The following FUT8 variants were observed in gnomAD, a reference collection of about 807,000 sequenced individuals.
FUT8 encodes the protein fucosyltransferase 8.
Under a neutral mutation model 71.3 loss-of-function variants are expected in FUT8, and 29 were observed. The ratio of observed to expected loss-of-function variants is 0.41; its 90% CI spans 0.30 to 0.55. The LOEUF is 0.55. FUT8 is among the 20% of genes least tolerant of loss of function. The probability of loss-of-function intolerance (pLI) is 0.34; values close to 1 mark genes in which losing one functional copy is unlikely to be tolerated. For synonymous variants in FUT8, 254 were observed against 239.3 expected, an observed-to-expected ratio of 1.06 and a Z score of -0.57; for missense variants, 544 against 702.1, an observed-to-expected ratio of 0.77 and a Z score of 2.55.
rs1176053199 is a variant in FUT8, at chr14:65,634,785, T to TAA, written c.597+5179_597+5180insAA. ...AGTGTGATGCCTCCAGATTTATTCT[T>TAA]TTTGCTTAGTCTTGCTTTGACTATG... On this transcript the variant is annotated intron_variant, in intron 6 of 10. Coordinates refer to ENST00000673929, the MANE Select transcript of FUT8 (RefSeq NM_001371533.1). Among the ~76,000 whole-genome samples, 19 of 152,214 alleles carry TAA rather than the reference T, an allele frequency of 1.2e-4. No individual in the cohort carries two copies. The South Asian group carries it at 3.9e-3, about 32-fold the overall frequency.
At chr14:65,613,839 G>A (rs771573334) in intron 3 of FUT8, among the ~76,000 whole-genome samples, 2 of 152,068 alleles carry the variant, frequency 1.3e-5, no homozygotes, top group African/African-American at 4.8e-5. Context: ...TTGGCTGGGC[G>A]CCGTGGCTCA....
At chr14:65,471,000 T>A in intron 2 of FUT8, 1 of 428,218 alleles carries the variant, frequency 2.3e-6, no homozygotes, top group Non-Finnish European at 4.6e-6. Flanking sequence ...TCTGCCCTGT[T>A]GTCTTTGGGT....
At chr14:65,408,208 C>T (rs1035782664), upstream of FUT8, among the ~76,000 whole-genome samples, 5 of 151,912 alleles carry the variant, frequency 3.3e-5, no homozygotes, top group Admixed American at 1.3e-4. Context: ...GAAGTTAAGC[C>T]GAGAGAGGCT....
intron 2 of FUT8, among the ~76,000 whole-genome samples, chr14:65,552,518 A>G (rs569161114): frequency 1.2e-4 from 19 of 152,342 alleles, no homozygotes; most frequent in African/African-American, 3.8e-4. Flanking sequence ...TAAAATTTAC[A>G]TAACATGAAT....
At chr14:65,532,929 A>C (rs1340064383) in intron 2 of FUT8, among the ~76,000 whole-genome samples, 1 of 152,152 alleles carries the variant, frequency 6.6e-6, no homozygotes, top group Non-Finnish European at 1.5e-5. Flanking sequence ...GGCTTTGTTG[A>C]AGATCAGATG....
At chr14:65,486,145 A>G (rs937238084) in intron 2 of FUT8, among the ~76,000 whole-genome samples, 3 of 152,174 alleles carry the variant, frequency 2.0e-5, no homozygotes, top group African/African-American at 7.2e-5. Flanking sequence ...ATGTTTTAGC[A>G]CTAGCTAATG....
intron 2 of FUT8, among the ~76,000 whole-genome samples, chr14:65,514,651 G>A (rs1245162524): frequency 2.6e-5 from 4 of 151,526 alleles, no homozygotes; most frequent in African/African-American, 9.7e-5. Context: ...TGTCTTCACC[G>A]CTGAGTAGGT....
At position 65,528,592 on chromosome 14, in the gene FUT8, C is replaced by G. The variant is rs559038329; in HGVS notation, c.-227-32745C>G. ...GTCTGACAATCCCCAGTGAGATGAA[C>G]CTGGTACCTCAGTTGGAAATGCAGA... On this transcript the variant is annotated intron_variant, in intron 2 of 10. Coordinates refer to ENST00000673929, the MANE Select transcript of FUT8 (RefSeq NM_001371533.1). Among the ~76,000 whole-genome samples, 531 of 152,276 alleles carry G rather than the reference C, an allele frequency of 3.5e-3. 2 individuals carry two copies. Among genetic ancestry groups the G allele is most frequent in the African/African-American group, 0.012 (504 of 41,550 alleles).
chr14:65,450,631 T>C (rs138993927), intron 1 of FUT8, among the ~76,000 whole-genome samples: 61 of 152,318 alleles, frequency 4.0e-4, no homozygotes, highest in African/African-American at 1.4e-3. Flanking sequence ...CTCAGAGAAA[T>C]CTTTCAGTTT....
chr14:65,611,195 ACACGCGCGCG>A (rs1435014847), intron 3 of FUT8, among the ~76,000 whole-genome samples: 474 of 14,304 alleles, frequency 0.033, 71 homozygotes, highest in African/African-American at 0.045. Context: ...ACACACACAC[ACACGCGCGCG>A]CGCGCGCGCG....
At chr14:65,576,696 CTT>C (rs376473739) in intron 3 of FUT8, among the ~76,000 whole-genome samples, 1 of 96,216 alleles carries the variant, frequency 1.0e-5, no homozygotes, top group African/African-American at 6.3e-5. Flanking sequence ...GCCCAGCTTG[CTT>C]TTTTTTTTTT....
At chr14:65,713,351 G>T (rs139146791) in intron 7 of FUT8, among the ~76,000 whole-genome samples, 1,837 of 152,300 alleles carry the variant, frequency 0.012, 14 homozygotes, top group Middle Eastern at 0.024. Flanking sequence ...GAACAGTGCT[G>T]CAGTAAACAT....
rs139587074 is a variant in FUT8 at position 65,629,533 on chromosome 14, G to C, written c.524G>C (p.Gly175Ala). Residue 175 changes from glycine (G) to alanine (A), a missense_variant, in exon 6 of 11, where the codon GGA (glycine) becomes GCA (alanine). By Grantham distance (60) the Gly-to-Ala change is moderately conservative. Transcript: ENST00000673929. Reference sequence around the variant, plus strand: ...CTATACTACCTCAGTCAGACAGATGGAGCAGGTGATTGGCGGGAAAAAGAG... The same window carrying C: ...CTATACTACCTCAGTCAGACAGATGCAGCAGGTGATTGGCGGGAAAAAGAG... ...TDLYYLSQTD[G>A]AGDWREKEAK... 22 of 1,613,718 alleles carry C rather than the reference G, an allele frequency of 1.4e-5. No individual in the cohort carries two copies. Among genetic ancestry groups the C allele is most frequent in the Non-Finnish European group, 1.9e-5 (22 of 1,179,794 alleles).
chr14:65,618,547 G>T (rs1369409912), intron 5 of FUT8, among the ~76,000 whole-genome samples: 2 of 152,156 alleles, frequency 1.3e-5, no homozygotes, highest in Non-Finnish European at 2.9e-5. Flanking sequence ...AGATTAGAAT[G>T]CAGTAATACA....
chr14:65,692,353 G>T, intron 7 of FUT8, among the ~76,000 whole-genome samples: 1 of 149,518 alleles, frequency 6.7e-6, no homozygotes, highest in African/African-American at 2.5e-5. Context: ...TGGCCGGGCG[G>T]GGGGCTGACC....
chr14:65,535,923 T>A (rs777422764), intron 2 of FUT8, among the ~76,000 whole-genome samples: 6 of 152,202 alleles, frequency 3.9e-5, no homozygotes, highest in Admixed American at 1.3e-4. Context: ...TAAGTCTCTT[T>A]GAAGGTTCCT....
intron 6 of FUT8, among the ~76,000 whole-genome samples, chr14:65,631,059 C>A (rs555335489): frequency 1.1e-4 from 17 of 152,286 alleles, no homozygotes; most frequent in Admixed American, 2.0e-4. Context: ...CTGATCTTGG[C>A]ATGCTATCTT....
the FUT8 span, among the ~76,000 whole-genome samples, chr14:65,367,818 C>T: frequency 6.6e-6 from 1 of 152,096 alleles, no homozygotes; most frequent in East Asian, 1.9e-4. Context: ...ATACCCAGGC[C>T]ATGTGTTTAT....
intron 2 of FUT8, among the ~76,000 whole-genome samples, chr14:65,553,070 C>T (rs1221655697): frequency 1.3e-5 from 2 of 152,198 alleles, no homozygotes; most frequent in Non-Finnish European, 2.9e-5. Flanking sequence ...ATCCTCCCAC[C>T]TCAGCCTCCC....
Sources: gnomAD v4.1 joint callset for allele counts (sites outside exome capture counted in the v4.1 genomes callset) on GRCh38, gnomAD v4.1.1 for gene constraint, MANE v1.5 for transcripts, NCBI Gene and HGNC (gene_info 2026-07-23, HGNC 2026-07-21) for gene names.